Variants in NEBL observed in about 807,000 individuals in gnomAD.
The protein encoded by NEBL is nebulette, also known as LIM and SH3 protein 2.
In NEBL, 122 loss-of-function variants were observed where a neutral mutation model predicts 140.2. The observed-to-expected ratio is 0.87, with a 90% CI of 0.75 to 1.01. The LOEUF (loss-of-function observed/expected upper bound fraction) is 1.01. NEBL is among the 50% of genes least tolerant of loss of function. The probability of loss-of-function intolerance (pLI) is 0.00; values close to 1 mark genes in which losing one functional copy is unlikely to be tolerated. For missense variants in NEBL, 1,365 were observed against 1,231.3 expected (o/e 1.11, Z -1.62); for synonymous variants, 436 against 398.9 (o/e 1.09, Z -1.11).
chr10:21,288,491 G>A (rs61014393), intron 1 of NEBL, among the ~76,000 whole-genome samples: 3,977 of 151,130 alleles, frequency 0.026, 179 homozygotes, highest in African/African-American at 0.093. Flanking sequence ...AGCCCGACGC[G>A]GTGGCTCATG....
At chr10:21,181,434 C>T (rs890131703) in intron 3 of NEBL, among the ~76,000 whole-genome samples, 9 of 151,848 alleles carry the variant, frequency 5.9e-5, no homozygotes, top group African/African-American at 1.9e-4. Context: ...CATATACTGT[C>T]GGTAAGAGGG....
intron 19 of NEBL, among the ~76,000 whole-genome samples, chr10:20,821,851 C>A (rs894097606): frequency 7.9e-5 from 12 of 152,178 alleles, no homozygotes; most frequent in African/African-American, 1.2e-4. Context: ...CACACTAAAC[C>A]CTCTTCTTGA....
intron 3 of NEBL, among the ~76,000 whole-genome samples, chr10:21,001,974 A>T (rs1837921971): frequency 6.6e-6 from 1 of 152,216 alleles, no homozygotes; most frequent in African/African-American, 2.4e-5. Context: ...AAAAAGAAAC[A>T]TAAAGCCAAC....
intron 3 of NEBL, among the ~76,000 whole-genome samples, chr10:21,210,923 A>C (rs1416803723): frequency 6.6e-6 from 1 of 152,216 alleles, no homozygotes; most frequent in Non-Finnish European, 1.5e-5. Context: ...AGCCAGTAGG[A>C]GTTAATTTTA....
At chr10:20,814,970 A>G (rs1478771834) in intron 22 of NEBL, among the ~76,000 whole-genome samples, 1 of 152,216 alleles carries the variant, frequency 6.6e-6, no homozygotes, top group Non-Finnish European at 1.5e-5. Context: ...TATGCTAAGA[A>G]AAGGGCCTGT....
At chr10:21,127,257 T>C (rs1291097893) in intron 2 of NEBL, among the ~76,000 whole-genome samples, 2 of 152,086 alleles carry the variant, frequency 1.3e-5, no homozygotes, top group African/African-American at 4.8e-5. Flanking sequence ...TCAAACTATA[T>C]TTCAAGATAT....
chr10:21,059,750 A>G (rs551812410), intron 2 of NEBL, among the ~76,000 whole-genome samples: 1 of 152,328 alleles, frequency 6.6e-6, no homozygotes, highest in African/African-American at 2.4e-5. Flanking sequence ...ATCAACTTTA[A>G]TTGACTTGAG....
chr10:20,931,385 A>G (rs1834175566), intron 4 of NEBL, among the ~76,000 whole-genome samples: 1 of 152,230 alleles, frequency 6.6e-6, no homozygotes. Flanking sequence ...TTACCAGTAT[A>G]TAAATACGTT....
In NEBL at chr10:21,286,020, G is replaced by A. The variant is rs1051357072; in HGVS notation, n.182+6810C>T. Among the ~76,000 whole-genome samples, 18 of 152,216 alleles carry A rather than the reference G, an allele frequency of 1.2e-4. No individual in the cohort carries two copies. In the East Asian group the frequency reaches 2.7e-3, roughly 23 times the overall value. On this transcript the variant is annotated intron_variant and non_coding_transcript_variant, in intron 1 of 8. Coordinates refer to the NEBL transcript ENST00000675702. ...AGACCTTCTGGCTTTTTACATCACC[G>A]CTCATTCTTCCATCTCTGGTTCTCC...
chr10:20,863,095 A>G (rs1250062857), intron 7 of NEBL, among the ~76,000 whole-genome samples: 1 of 152,152 alleles, frequency 6.6e-6, no homozygotes, highest in African/African-American at 2.4e-5. Context: ...CACTTGGAGA[A>G]AACACGGATA....
chr10:21,284,924 C>A (rs1843036719), intron 1 of NEBL, among the ~76,000 whole-genome samples: 1 of 152,124 alleles, frequency 6.6e-6, no homozygotes, highest in African/African-American at 2.4e-5. Context: ...ATTCACAGGG[C>A]ATGGTGGTTT....
intron 11 of NEBL, 52 bp downstream of exon 11, chr10:20,850,343 G>T: frequency 7.2e-7 from 1 of 1,389,358 alleles, no homozygotes; most frequent in South Asian, 1.2e-5. Flanking sequence ...CCTTTCAAAT[G>T]ACAAAACATC....
intron 4 of NEBL, among the ~76,000 whole-genome samples, chr10:20,912,881 CTTT>C (rs397847147): frequency 8.5e-6 from 1 of 117,842 alleles, no homozygotes. Flanking sequence ...TATGCCAATT[CTTT>C]TTTTTTTTTT....
chr10:20,987,931 T>C (rs1185211561), intron 3 of NEBL, among the ~76,000 whole-genome samples: 1 of 152,228 alleles, frequency 6.6e-6, no homozygotes. Flanking sequence ...ATGAAACTTA[T>C]ATTCCATGGT....
chr10:20,849,040 A>C (rs1008334477), intron 11 of NEBL, among the ~76,000 whole-genome samples: 1 of 152,244 alleles, frequency 6.6e-6, no homozygotes, highest in Non-Finnish European at 1.5e-5. Flanking sequence ...AACAGAAAGG[A>C]TCTTATTCAT....
chr10:21,198,922 C>T (rs1274743766), intron 3 of NEBL, among the ~76,000 whole-genome samples: 1 of 152,034 alleles, frequency 6.6e-6, no homozygotes, highest in South Asian at 2.1e-4. Flanking sequence ...AACTGGTACC[C>T]AATTACCTTA....
At position 21,127,918 on chromosome 10, in the gene NEBL, A is replaced by T. The variant is rs77079781; in HGVS notation, c.164+44465T>A. 2.3e-3 allele frequency among the ~76,000 whole-genome samples: 345 copies of T among 152,336 alleles called. 15 individuals are homozygous for T. In the East Asian group the frequency reaches 0.059, roughly 26 times the overall value. On this transcript the variant is annotated intron_variant, in intron 2 of 6. Transcript: ENST00000417816. ...GAAAGAGATAACCAATAAAATGTGA[A>T]CATGAACTGTGTTAAAAGGAATTAA...
chr10:21,029,251 A>G, intron 2 of NEBL: 1 of 1,566,302 alleles, frequency 6.4e-7, no homozygotes, highest in Non-Finnish European at 8.8e-7. Context: ...GGAACCCAAT[A>G]TCAACTGGAG....
intron 2 of NEBL, among the ~76,000 whole-genome samples, chr10:21,251,211 C>G (rs1193744201): frequency 6.6e-6 from 1 of 152,118 alleles, no homozygotes; most frequent in Non-Finnish European, 1.5e-5. Context: ...GCCAGGTACA[C>G]AGTGATGTGG....
Sources: gnomAD v4.1 joint callset for allele counts (sites outside exome capture counted in the v4.1 genomes callset) on GRCh38, gnomAD v4.1.1 for gene constraint, MANE v1.5 for transcripts, NCBI Gene and HGNC (gene_info 2026-07-23, HGNC 2026-07-21) for gene names.